CPLANE1: variants seen among roughly 807,000 people sequenced by gnomAD.
The protein encoded by CPLANE1 is ciliogenesis and planar polarity effector complex subunit 1.
A neutral mutation model predicts 362.5 loss-of-function variants in CPLANE1; 263 were observed. The observed-to-expected ratio is 0.73, with a 90% confidence interval of 0.66 to 0.80. The LOEUF (loss-of-function observed/expected upper bound fraction) is 0.80. Ranked by LOEUF, CPLANE1 falls within the 30% of genes least tolerant of loss-of-function variation. The pLI, the probability that CPLANE1 is intolerant of heterozygous loss-of-function variation, is 0.00. For missense variants in CPLANE1, 3,461 were observed against 3,793.4 expected (o/e 0.91, Z 2.30); for synonymous variants, 1,212 against 1,302.6 (o/e 0.93, Z 1.50).
In CPLANE1 at chr5:37,239,703, A is replaced by G. The variant is rs1366450911; in HGVS notation, c.834+10T>C. 6.9e-7 allele frequency: 1 copy of G among 1,453,860 alleles called. No homozygotes were observed. The highest frequency in any genetic ancestry group is 9.1e-7 in the Non-Finnish European group (1 of 1,095,016). The allele number at this position is 1,453,860 out of a possible 1,614,324, so 90.1% of individuals were successfully genotyped here. On this transcript the variant is annotated intron_variant, in intron 7 of 52. Coordinates refer to ENST00000651892, the MANE Select transcript of CPLANE1 (RefSeq NM_001384732.1). ...TTATAGATTACTTTCTAAGACAGAT[A>G]TTTACTGACCTTGGGGTCTTTCTGA...
Position 37,238,886 on chromosome 5 carries a change from CTT to C in CPLANE1, c.907_908del (p.Lys303GlufsTer10), listed in dbSNP as rs1187142382. On this transcript the variant is annotated frameshift_variant, in exon 8 of 53. Coordinates refer to ENST00000651892, the MANE Select transcript of CPLANE1 (RefSeq NM_001384732.1). ...LCGSLKGCSNKSPVVPATLIR... is the reference protein window; with the variant it reads ...LCGSLKGCSNXSPVVPATLIR... Reference sequence around the variant, plus strand: ...TAAGTGTAGCTGGAACCACGGGACTCTTGTTACTACATCCTTTAAGGCTACCA... The same window carrying C: ...TAAGTGTAGCTGGAACCACGGGACTCGTTACTACATCCTTTAAGGCTACCA... 2 of 1,530,484 alleles carry C rather than the reference CTT, an allele frequency of 1.3e-6. No individual in the cohort carries two copies. Among genetic ancestry groups the C allele is most frequent in the East Asian group, 2.5e-5 (1 of 40,476 alleles). The allele number at this position is 1,530,484 out of a possible 1,614,324, so 94.8% of individuals were successfully genotyped here.
chr5:37,118,218 A>ACC (rs779778469), intron 50 of CPLANE1, among the ~76,000 whole-genome samples: 1 of 151,476 alleles, frequency 6.6e-6, no homozygotes, highest in African/African-American at 2.4e-5. Context: ...ACACAGCAAG[A>ACC]CCCCCCATCT....
intron 5 of CPLANE1, among the ~76,000 whole-genome samples, chr5:37,244,016 A>G (rs1013821939): frequency 6.6e-6 from 1 of 151,560 alleles, no homozygotes; most frequent in Non-Finnish European, 1.5e-5. Flanking sequence ...ACGCCCAGAT[A>G]ATTTTGTAGT....
At chr5:37,240,788 T>A (rs182553229) in intron 6 of CPLANE1, among the ~76,000 whole-genome samples, 4 of 152,278 alleles carry the variant, frequency 2.6e-5, no homozygotes, top group Admixed American at 1.3e-4. Context: ...CTAAATAAAT[T>A]GAATATCAGA....
intron 8 of CPLANE1, among the ~76,000 whole-genome samples, chr5:37,236,134 C>T (rs1361564988): frequency 6.6e-6 from 1 of 152,128 alleles, no homozygotes; most frequent in East Asian, 1.9e-4. Flanking sequence ...CTTGGCCTCC[C>T]AAAGTGCGTT....
intron 6 of CPLANE1, among the ~76,000 whole-genome samples, chr5:37,241,923 C>T (rs1357252186): frequency 6.6e-6 from 1 of 152,116 alleles, no homozygotes; most frequent in African/African-American, 2.4e-5. Flanking sequence ...CACCACCACA[C>T]TCAGCCAAGA....
chr5:37,105,852 A>G (rs990314937), downstream of CPLANE1, among the ~76,000 whole-genome samples: 3 of 152,228 alleles, frequency 2.0e-5, no homozygotes, highest in African/African-American at 7.2e-5. Context: ...TGGACAAAAT[A>G]TCTGAATGGA....
At chr5:37,086,751 G>A in the CPLANE1 span, among the ~76,000 whole-genome samples, 1 of 152,200 alleles carries the variant, frequency 6.6e-6, no homozygotes, top group Admixed American at 6.5e-5. Context: ...GGGGCTGACA[G>A]CACTCTTCTT....
chr5:37,170,756 T>C (rs1779583121), intron 32 of CPLANE1, among the ~76,000 whole-genome samples: 1 of 152,074 alleles, frequency 6.6e-6, no homozygotes, highest in Non-Finnish European at 1.5e-5. Context: ...GCCAACATGA[T>C]GAAACCCCAT....
At chr5:37,210,561 A>C (rs963106946) in intron 16 of CPLANE1, 50 of 1,523,484 alleles carry the variant, frequency 3.3e-5, no homozygotes, top group Non-Finnish European at 4.2e-5. Flanking sequence ...CAATCAATCT[A>C]TAAATCGCAT....
chr5:37,129,581 G>A (rs1181262477), intron 46 of CPLANE1, among the ~76,000 whole-genome samples: 1 of 151,862 alleles, frequency 6.6e-6, no homozygotes, highest in East Asian at 1.9e-4. Flanking sequence ...AAACAATAGA[G>A]TTAAGGCATG....
intron 21 of CPLANE1, among the ~76,000 whole-genome samples, chr5:37,195,582 G>A (rs1344560374): frequency 3.3e-5 from 5 of 150,170 alleles, no homozygotes; most frequent in Admixed American, 6.6e-5. Context: ...CTGGGCAACA[G>A]AGCCAGACTC....
At position 37,170,108 on chromosome 5, in the gene CPLANE1, C is replaced by G. The variant is rs148698826; in HGVS notation, c.6395G>C (p.Arg2132Pro). Residue 2132 changes from arginine to proline, a missense_variant, in exon 33 of 53, where the codon CGC becomes CCC. Arg to Pro is a moderately radical substitution (Grantham distance 103). Transcript: ENST00000651892. ...TTCATGGCAGTGTGGGCTGTTCTTGCGAGGCTCTCTGGCGTTCTCTCCCAT... is the reference window on the plus strand; with the variant it reads ...TTCATGGCAGTGTGGGCTGTTCTTGGGAGGCTCTCTGGCGTTCTCTCCCAT... ...QSMGENAREP[R>P]KNSPHCHEGT... The G allele has an allele frequency of 5.0e-6, 8 of 1,614,080 alleles. No individual in the cohort carries two copies. The highest frequency in any genetic ancestry group is 3.3e-5 in the South Asian group (3 of 91,072).
rs141359000 is a variant in CPLANE1, at chr5:37,134,625, G to A, written c.8792+4095C>T. On this transcript the variant is annotated intron_variant, in intron 46 of 52. Coordinates refer to ENST00000651892, the MANE Select transcript of CPLANE1 (RefSeq NM_001384732.1). Reference sequence around the variant, plus strand: ...TGTTGATTCTTTGTATGGATTTTTGGTTCTCGATTTTGTTCACTTCTGCTC... The same window carrying A: ...TGTTGATTCTTTGTATGGATTTTTGATTCTCGATTTTGTTCACTTCTGCTC... 3.6e-3 allele frequency among the ~76,000 whole-genome samples: 545 copies of A among 151,886 alleles called. 2 individuals are homozygous for A. The highest frequency in any genetic ancestry group is 0.012 in the African/African-American group (514 of 41,434).
intron 19 of CPLANE1, 134 bp downstream of exon 19, chr5:37,201,457 C>A: frequency 1.5e-6 from 1 of 676,828 alleles, no homozygotes; most frequent in Non-Finnish European, 2.5e-6. Flanking sequence ...AATTAGTGAA[C>A]AGCAAAGCTG....
intron 36 of CPLANE1, among the ~76,000 whole-genome samples, chr5:37,165,233 A>G (rs1032618859): frequency 3.3e-5 from 5 of 152,242 alleles, no homozygotes; most frequent in African/African-American, 1.2e-4. Context: ...AGAAGCCCAA[A>G]TAACATAATA....
intron 18 of CPLANE1, among the ~76,000 whole-genome samples, chr5:37,204,151 G>A (rs766614092): frequency 6.6e-5 from 10 of 152,128 alleles, no homozygotes; most frequent in Non-Finnish European, 1.3e-4. Flanking sequence ...CTTTCACACA[G>A]TAACATCTTT....
At chr5:37,111,569 C>A (rs973913090) in intron 51 of CPLANE1, among the ~76,000 whole-genome samples, 3 of 152,078 alleles carry the variant, frequency 2.0e-5, no homozygotes, top group Non-Finnish European at 4.4e-5. Flanking sequence ...GGATTAGTGC[C>A]AAAGGGAAGG....
At chr5:37,104,758 C>A (rs1460434327), downstream of CPLANE1, among the ~76,000 whole-genome samples, 1 of 148,668 alleles carries the variant, frequency 6.7e-6, no homozygotes, top group Non-Finnish European at 1.5e-5. Flanking sequence ...AAAAAAAACA[C>A]ACACACACAC....
Sources: gnomAD v4.1 joint callset for allele counts (sites outside exome capture counted in the v4.1 genomes callset) on GRCh38, gnomAD v4.1.1 for gene constraint, MANE v1.5 for transcripts, NCBI Gene and HGNC (gene_info 2026-07-23, HGNC 2026-07-21) for gene names.